ADAMTS18: variants seen among roughly 807,000 people sequenced by gnomAD.
ADAMTS18 encodes ADAM metallopeptidase with thrombospondin type 1 motif 18, also known as A disintegrin and metalloproteinase with thrombospondin motifs 18.
In ADAMTS18, 157 loss-of-function variants were observed where a neutral mutation model predicts 165.9. The ratio of observed to expected loss-of-function variants is 0.95; its 90% CI spans 0.83 to 1.08. The LOEUF is 1.08. Among genes scored for constraint, ADAMTS18 ranks in the 50% least tolerant of loss-of-function variants. The probability of loss-of-function intolerance (pLI) is 0.00; values close to 1 mark genes in which losing one functional copy is unlikely to be tolerated. For synonymous variants in ADAMTS18, 782 were observed against 578.2 expected, an observed-to-expected ratio of 1.35 and a Z score of -5.06; for missense variants, 2,040 against 1,534.0, an observed-to-expected ratio of 1.33 and a Z score of -5.51.
chr16:77,423,467 T>C (rs1316619564), intron 3 of ADAMTS18, among the ~76,000 whole-genome samples: 1 of 152,210 alleles, frequency 6.6e-6, no homozygotes, highest in Non-Finnish European at 1.5e-5. Context: ...ATAGTAATAA[T>C]ATCATTCTAA....
At chr16:77,323,378 T>C (rs1422454848) in intron 13 of ADAMTS18, among the ~76,000 whole-genome samples, 1 of 152,168 alleles carries the variant, frequency 6.6e-6, no homozygotes, top group African/African-American at 2.4e-5. Flanking sequence ...AGTTAAATTA[T>C]CACAGTCCAA....
chr16:77,390,946 A>T (rs2057178213), intron 3 of ADAMTS18, among the ~76,000 whole-genome samples: 1 of 152,216 alleles, frequency 6.6e-6, no homozygotes, highest in Non-Finnish European at 1.5e-5. Flanking sequence ...ATGGAACAGC[A>T]TTGCAAATTA....
At chr16:77,312,227 AC>A (rs1193607204) in intron 16 of ADAMTS18, among the ~76,000 whole-genome samples, 1 of 151,740 alleles carries the variant, frequency 6.6e-6, no homozygotes, top group Non-Finnish European at 1.5e-5. Context: ...CTCAAAAAAA[AC>A]TTTTCTTTTT....
rs748944067 is a variant in ADAMTS18 at position 77,364,237 on chromosome 16, T to G, written c.923A>C (p.Lys308Thr). 1.9e-6 allele frequency: 3 copies of G among 1,614,028 alleles called. No homozygotes were observed. The East Asian group carries it at 6.7e-5, about 36-fold the overall frequency. The change falls in exon 5 of 23, where the codon AAG becomes ACG. Residue 308 changes from lysine (K) to threonine (T), a missense_variant. Lys to Thr is a moderately conservative substitution (Grantham distance 78, BLOSUM62 -1). Transcript: ENST00000282849. ...TGTGGTGACATTTCCCTTGCCATGCTTTTCCACCATTTTCTTGTCTGCCAC... is the reference window on the plus strand; with the variant it reads ...TGTGGTGACATTTCCCTTGCCATGCGTTTCCACCATTTTCTTGTCTGCCAC... Reference protein sequence around the residue: ...LVVADKKMVEKHGKGNVTTYI... With the variant: ...LVVADKKMVETHGKGNVTTYI...
chr16:77,322,335 C>T lies in ADAMTS18; in HGVS notation c.2163+1G>A. 6.2e-7 allele frequency: 1 copy of T among 1,613,934 alleles called. No individual in the cohort carries two copies. Among genetic ancestry groups the T allele is most frequent in the Non-Finnish European group, 8.5e-7 (1 of 1,179,906 alleles). ...ACTCCAAAGCAGAAACGTTCTCTTACTTCACAAACCCCGTCAATACAAACA... is the reference window on the plus strand; with the variant it reads ...ACTCCAAAGCAGAAACGTTCTCTTATTTCACAAACCCCGTCAATACAAACA... On this transcript the variant is annotated splice_donor_variant, in intron 14 of 22. Transcript: ENST00000282849. LOFTEE classifies it high-confidence loss of function.
chr16:77,288,126 G>A (rs1297674430), intron 22 of ADAMTS18, among the ~76,000 whole-genome samples: 1 of 152,092 alleles, frequency 6.6e-6, no homozygotes, highest in East Asian at 1.9e-4. Flanking sequence ...TGCTGGGTGA[G>A]CCAAAAATAA....
intron 10 of ADAMTS18, among the ~76,000 whole-genome samples, chr16:77,344,107 G>GTA (rs1172076936): frequency 1.3e-3 from 181 of 142,846 alleles, no homozygotes; most frequent in African/African-American, 3.6e-3. Flanking sequence ...GAAACCAGAT[G>GTA]TATATATATA....
intron 3 of ADAMTS18, among the ~76,000 whole-genome samples, chr16:77,371,698 G>A (rs2056878621): frequency 6.6e-6 from 1 of 152,166 alleles, no homozygotes; most frequent in South Asian, 2.1e-4. Context: ...AATACTTCAT[G>A]ACATAGGTCT....
Position 77,335,946 on chromosome 16 carries a change from C to G in ADAMTS18, c.1711-42G>C, listed in dbSNP as rs1361488703. Reference sequence around the variant, plus strand: ...TAAGATGGTTCCCGTCAGAGACCACCTGGGAAAGCGCAGGGAGTTGCCAAC... The same window carrying G: ...TAAGATGGTTCCCGTCAGAGACCACGTGGGAAAGCGCAGGGAGTTGCCAAC... On this transcript the variant is annotated intron_variant, in intron 11 of 22. Coordinates refer to ENST00000282849, the MANE Select transcript of ADAMTS18 (RefSeq NM_199355.4). 4 of 1,613,624 alleles carry G rather than the reference C, an allele frequency of 2.5e-6. No individual in the cohort carries two copies. In the East Asian group the frequency reaches 8.9e-5, roughly 36 times the overall value.
intron 21 of ADAMTS18, 133 bp from the exon 22 acceptor site, chr16:77,289,544 A>T (rs2055323485): frequency 2.0e-6 from 2 of 1,015,430 alleles, no homozygotes; most frequent in Non-Finnish European, 3.0e-6. Context: ...AGCCAGGCAC[A>T]TGTGCTTACA....
intron 3 of ADAMTS18, among the ~76,000 whole-genome samples, chr16:77,401,839 C>T (rs1400659610): frequency 1.3e-5 from 2 of 152,134 alleles, no homozygotes; most frequent in Non-Finnish European, 1.5e-5. Flanking sequence ...CAAGGATATC[C>T]ATCTTCTTCT....
intron 16 of ADAMTS18, among the ~76,000 whole-genome samples, chr16:77,312,141 A>G (rs2055793343): frequency 6.6e-6 from 1 of 152,054 alleles, no homozygotes; most frequent in South Asian, 2.1e-4. Flanking sequence ...TGTCCGTATT[A>G]TTTACAAAGA....
chr16:77,295,578 A>G (rs897742893), intron 18 of ADAMTS18, among the ~76,000 whole-genome samples: 2 of 152,214 alleles, frequency 1.3e-5, no homozygotes, highest in African/African-American at 4.8e-5. Context: ...GGAAGTCAAC[A>G]TAAAATACAA....
Position 77,434,794 on chromosome 16 carries a change from A to C in ADAMTS18, c.-99T>G. On this transcript the variant is annotated 5_prime_UTR_variant, in exon 1 of 23. Coordinates refer to ENST00000282849, the MANE Select transcript of ADAMTS18 (RefSeq NM_199355.4). ...CCGCGGCCCCGGAGCTCGGCGCCCC[A>C]GGTGCGGCTCCAGGTGAGAGCCGCC... is the stretch of plus-strand genomic sequence containing the variant. 9.4e-7 allele frequency: 1 copy of C among 1,067,712 alleles called. No homozygotes were observed. The highest frequency in any genetic ancestry group is 3.5e-5 in the East Asian group (1 of 28,670). 66.1% of individuals were successfully genotyped at this position (1,067,712 alleles called of 1,614,324 possible).
chr16:77,341,099 A>G (rs2056390734), intron 11 of ADAMTS18, among the ~76,000 whole-genome samples: 1 of 152,194 alleles, frequency 6.6e-6, no homozygotes, highest in Admixed American at 6.5e-5. Context: ...AGGAAGAAAA[A>G]TAGAAATATA....
chr16:77,300,153 G>C, intron 17 of ADAMTS18, 110 bp downstream of exon 17: 6 of 1,310,138 alleles, frequency 4.6e-6, no homozygotes, highest in Non-Finnish European at 6.5e-6. Context: ...TCTCATAAAA[G>C]ACAGTTCTTG....
chr16:77,350,331 C>T (rs1209231580), intron 10 of ADAMTS18, among the ~76,000 whole-genome samples: 1 of 152,126 alleles, frequency 6.6e-6, no homozygotes, highest in African/African-American at 2.4e-5. Flanking sequence ...TCCAAAAGAG[C>T]CAGCCCCAGA....
At chr16:77,347,495 C>G (rs2056494828) in intron 10 of ADAMTS18, among the ~76,000 whole-genome samples, 1 of 152,114 alleles carries the variant, frequency 6.6e-6, no homozygotes. Context: ...TAATATTCTC[C>G]ATTCCAGTCA....
intron 17 of ADAMTS18, among the ~76,000 whole-genome samples, chr16:77,299,529 A>C (rs1346452031): frequency 2.0e-5 from 3 of 152,286 alleles, no homozygotes; most frequent in Non-Finnish European, 4.4e-5. Context: ...ACCAGTAGGA[A>C]GTCTCACTGT....
Sources: allele counts gnomAD v4.1 joint callset (sites outside exome capture counted in the v4.1 genomes callset), GRCh38; gene constraint gnomAD v4.1.1; transcripts MANE v1.5; gene names NCBI Gene and HGNC (gene_info 2026-07-23, HGNC 2026-07-21).